The following SLC36A1 variants were observed in gnomAD, a reference collection of about 807,000 sequenced individuals.
SLC36A1 encodes proton-coupled amino acid transporter 1.
A neutral mutation model predicts 47.5 loss-of-function variants in SLC36A1; 30 were observed. That is an observed-to-expected ratio of 0.63 (90% CI 0.47 to 0.86). The LOEUF is 0.86. Ranked by LOEUF, SLC36A1 falls within the 40% of genes least tolerant of loss-of-function variation. The pLI is 0.00. For missense variants in SLC36A1, 517 were observed against 606.0 expected (o/e 0.85, Z 1.54); for synonymous variants, 255 against 249.7 (o/e 1.02, Z -0.20).
chr5:151,352,725 A>C, the SLC36A1 span, among the ~76,000 whole-genome samples: 1 of 152,078 alleles, frequency 6.6e-6, no homozygotes, highest in African/African-American at 2.4e-5. Flanking sequence ...ATATTCCCAT[A>C]GTGTCTTCTC....
chr5:151,527,953 C>G, the SLC36A1 span: 2 of 1,600,778 alleles, frequency 1.2e-6, no homozygotes, highest in Middle Eastern at 2.0e-4. Flanking sequence ...GACTGTGTCT[C>G]TGCTCTAATG....
the SLC36A1 span, chr5:151,545,468 G>GA: frequency 6.2e-7 from 1 of 1,614,186 alleles, no homozygotes; most frequent in Non-Finnish European, 8.5e-7. Context: ...TCCATGCCTG[G>GA]ATGGATAGGC....
chr5:151,504,534 A>C, the SLC36A1 span: 1 of 152,666 alleles, frequency 6.6e-6, no homozygotes, highest in Non-Finnish European at 1.5e-5. Flanking sequence ...TGCAATGGAG[A>C]GGAGGCAATG....
the SLC36A1 span, among the ~76,000 whole-genome samples, chr5:151,399,014 C>T: frequency 1.4e-5 from 2 of 147,962 alleles, no homozygotes; most frequent in Non-Finnish European, 3.0e-5. Context: ...CTCCTTCTCG[C>T]TCTGCATGTG....
the SLC36A1 span, among the ~76,000 whole-genome samples, chr5:151,534,085 G>A: frequency 1.3e-5 from 2 of 152,002 alleles, no homozygotes; most frequent in Non-Finnish European, 1.5e-5. Context: ...AAGTCTGATT[G>A]GTATATTTCT....
upstream of SLC36A1, among the ~76,000 whole-genome samples, chr5:151,444,500 T>A (rs1357698886): frequency 1.3e-5 from 2 of 151,736 alleles, no homozygotes; most frequent in Middle Eastern, 3.2e-3. Flanking sequence ...GATTTTTTAA[T>A]TTTTTTTTGA....
chr5:151,482,782 A>G (rs1758978819), intron 10 of SLC36A1, among the ~76,000 whole-genome samples: 1 of 152,210 alleles, frequency 6.6e-6, no homozygotes, highest in Admixed American at 6.5e-5. Context: ...CACTAAGTCA[A>G]ACTTTGTATA....
At chr5:151,555,453 C>T in the SLC36A1 span, among the ~76,000 whole-genome samples, 33 of 150,420 alleles carry the variant, frequency 2.2e-4, no homozygotes, top group African/African-American at 8.2e-4. Flanking sequence ...TCACTGCAAC[C>T]TCCGTCTCCC....
At chr5:151,501,892 A>G in the SLC36A1 span, among the ~76,000 whole-genome samples, 1 of 148,418 alleles carries the variant, frequency 6.7e-6, no homozygotes, top group Admixed American at 6.6e-5. Context: ...TGTAAAATGC[A>G]AAACTATAAA....
chr5:151,469,405 T>A (rs987692106), intron 7 of SLC36A1: 1 of 573,074 alleles, frequency 1.7e-6, no homozygotes, highest in African/African-American at 1.9e-5. Flanking sequence ...AGGTTAGTAT[T>A]CCTGGCTCTA....
At chr5:151,540,632 G>T in the SLC36A1 span, 1 of 1,614,028 alleles carries the variant, frequency 6.2e-7, no homozygotes, top group Non-Finnish European at 8.5e-7. Context: ...ACCGAAGCCT[G>T]GAACTTGCCA....
intron 1 of SLC36A1, among the ~76,000 whole-genome samples, chr5:151,439,675 A>G (rs569535092): frequency 5.0e-4 from 76 of 151,868 alleles, no homozygotes; most frequent in African/African-American, 1.7e-3. Context: ...AAAGAAAAAA[A>G]AAAAAGAAAA....
chr5:151,399,819 T>C, the SLC36A1 span, among the ~76,000 whole-genome samples: 3 of 152,196 alleles, frequency 2.0e-5, no homozygotes, highest in South Asian at 6.2e-4. Flanking sequence ...CATTAGCATA[T>C]TCTGCATACA....
chr5:151,492,046 C>G lies in SLC36A1; in HGVS notation c.*3792C>G, dbSNP rs1760167241. 1 of 152,196 alleles carries G rather than the reference C, an allele frequency of 6.6e-6. No homozygotes were observed. The allele number at this position is 152,196 out of a possible 1,614,324, so 9.4% of individuals were successfully genotyped here. ...GAGGTTATCAGAGTAAGGAAGGTAGCAGATATAGGTGCAGGGTGCCTGTCA... is the reference window on the plus strand; with the variant it reads ...GAGGTTATCAGAGTAAGGAAGGTAGGAGATATAGGTGCAGGGTGCCTGTCA... On this transcript the variant is annotated 3_prime_UTR_variant, in exon 11 of 11. Coordinates refer to ENST00000243389, the MANE Select transcript of SLC36A1 (RefSeq NM_078483.4).
chr5:151,465,239 G>A (rs1013229249), intron 5 of SLC36A1, 70 bp downstream of exon 5: 38 of 1,162,042 alleles, frequency 3.3e-5, no homozygotes, highest in East Asian at 2.6e-4. Flanking sequence ...GAGGTGCAAC[G>A]TGGGAGACAG....
chr5:151,481,605 C>A (rs1758809766), intron 10 of SLC36A1, among the ~76,000 whole-genome samples: 1 of 151,822 alleles, frequency 6.6e-6, no homozygotes, highest in Non-Finnish European at 1.5e-5. Context: ...CCTCTTCACC[C>A]TCCAAAGGGA....
Position 151,491,172 on chromosome 5 carries a change from A to G in SLC36A1, c.*2918A>G, listed in dbSNP as rs1760085590. 1 of 152,244 alleles carries G rather than the reference A, an allele frequency of 6.6e-6. No homozygotes were observed. Among genetic ancestry groups the G allele is most frequent in the Non-Finnish European group, 1.5e-5 (1 of 67,946 alleles). The allele number at this position is 152,244 out of a possible 1,614,324, so 9.4% of individuals were successfully genotyped here. Reference sequence around the variant, plus strand: ...GCTTCCAGCTCTCAGTGGGCAGTGCACCTCCTCCTAAATGCAGGCACTTGC... The same window carrying G: ...GCTTCCAGCTCTCAGTGGGCAGTGCGCCTCCTCCTAAATGCAGGCACTTGC... On this transcript the variant is annotated 3_prime_UTR_variant, in exon 11 of 11. Coordinates refer to ENST00000243389, the MANE Select transcript of SLC36A1 (RefSeq NM_078483.4).
the SLC36A1 span, chr5:151,542,402 C>T: frequency 6.2e-7 from 1 of 1,614,208 alleles, no homozygotes; most frequent in Non-Finnish European, 8.5e-7. Context: ...CTGTACTCTT[C>T]AGAAGCAAAT....
the SLC36A1 span, among the ~76,000 whole-genome samples, chr5:151,399,402 C>T: frequency 6.6e-6 from 1 of 151,902 alleles, no homozygotes; most frequent in Non-Finnish European, 1.5e-5. Flanking sequence ...ATTTATATCC[C>T]CATACATATA....
Sources: allele counts gnomAD v4.1 joint callset (sites outside exome capture counted in the v4.1 genomes callset), GRCh38; gene constraint gnomAD v4.1.1; transcripts MANE v1.5; gene names NCBI Gene and HGNC (gene_info 2026-07-23, HGNC 2026-07-21).